MED19: variants seen among roughly 807,000 people sequenced by gnomAD.
MED19 encodes mediator of RNA polymerase II transcription subunit 19.
MED19 carries 4 observed loss-of-function variants against 19.9 expected under a neutral mutation model. That is an observed-to-expected ratio of 0.20 (90% CI 0.10 to 0.46). MED19 has a LOEUF of 0.46. Ranked by LOEUF, MED19 falls within the 20% of genes least tolerant of loss-of-function variation. The pLI is 0.99. For synonymous variants in MED19, 139 were observed against 119.6 expected (o/e 1.16, Z -1.06); for missense variants, 303 against 318.7 (o/e 0.95, Z 0.38).
intron 1 of MED19, among the ~76,000 whole-genome samples, chr11:57,710,690 C>T (rs1276749350): frequency 6.6e-6 from 1 of 151,980 alleles, no homozygotes; most frequent in Non-Finnish European, 1.5e-5. Context: ...TAAAGTAGTT[C>T]TGCCCCTCAA....
intron 1 of MED19, 52 bp downstream of exon 1, chr11:57,711,911 C>A: frequency 7.2e-7 from 1 of 1,392,088 alleles, no homozygotes; most frequent in South Asian, 1.7e-5. Flanking sequence ...CCACGCCCAT[C>A]ACCTCCTCTC....
intron 1 of MED19, among the ~76,000 whole-genome samples, chr11:57,707,716 C>G (rs1946524858): frequency 6.6e-6 from 1 of 152,250 alleles, no homozygotes; most frequent in African/African-American, 2.4e-5. Context: ...GCTCTGCCAA[C>G]TCTCCTCTGT....
chr11:57,704,231 T>C, intron 4 of MED19, 71 bp downstream of exon 4: 2 of 1,528,202 alleles, frequency 1.3e-6, no homozygotes, highest in Non-Finnish European at 1.7e-6. Context: ...GGCAAAGAAC[T>C]CTAGGGTATT....
rs912241150 is a variant in MED19, at chr11:57,709,842, T to C, written c.217+2121A>G. On this transcript the variant is annotated intron_variant, in intron 1 of 4. Transcript: ENST00000431606. Reference sequence around the variant, plus strand: ...TCCCAAAGTGCTGGGATTACTGGCGTGAGCCACAGCGCCTGGCCCTGTATT... The same window carrying C: ...TCCCAAAGTGCTGGGATTACTGGCGCGAGCCACAGCGCCTGGCCCTGTATT... Among the ~76,000 whole-genome samples the C allele has an allele frequency of 1.1e-4, 16 of 152,350 alleles. No homozygotes were observed. The East Asian group carries it at 3.1e-3, about 29-fold the overall frequency.
chr11:57,709,638 G>A (rs1326870864), intron 1 of MED19, among the ~76,000 whole-genome samples: 2 of 152,154 alleles, frequency 1.3e-5, no homozygotes, highest in African/African-American at 4.8e-5. Flanking sequence ...GCTCACTGCA[G>A]CCTCAACTTC....
At chr11:57,705,952 G>T (rs1287759455) in intron 1 of MED19, among the ~76,000 whole-genome samples, 1 of 151,868 alleles carries the variant, frequency 6.6e-6, no homozygotes, top group Non-Finnish European at 1.5e-5. Flanking sequence ...ACCATGCTCA[G>T]GGGGCCAAAT....
At chr11:57,710,273 G>A (rs1334402656) in intron 1 of MED19, among the ~76,000 whole-genome samples, 1 of 152,150 alleles carries the variant, frequency 6.6e-6, no homozygotes, top group African/African-American at 2.4e-5. Context: ...GAGGTGGGAC[G>A]ACAGCATGAG....
At chr11:57,706,054 G>A (rs1264833590) in intron 1 of MED19, among the ~76,000 whole-genome samples, 2 of 152,032 alleles carry the variant, frequency 1.3e-5, no homozygotes, top group South Asian at 2.1e-4. Flanking sequence ...AAAGAACTGG[G>A]AGATTTTTTT....
chr11:57,708,723 A>T (rs1946533275), intron 1 of MED19, among the ~76,000 whole-genome samples: 1 of 152,172 alleles, frequency 6.6e-6, no homozygotes, highest in Non-Finnish European at 1.5e-5. Context: ...CAGCATTACT[A>T]ATCTCTCTCT....
rs752766987 is a variant in MED19 at position 57,704,677 on chromosome 11, T to TA, written c.571+41_571+42insT. 28 of 1,541,494 alleles carry TA rather than the reference T, an allele frequency of 1.8e-5. No individual in the cohort carries two copies. The African/African-American group carries it at 3.5e-4, about 19-fold the overall frequency. On this transcript the variant is annotated intron_variant, in intron 3 of 4. Transcript: ENST00000431606. ...CAGATTCAGAAGGTCAGGTTTTTTTTTTTTTTTTTTTTTTTTTGCTTTGAA... is the reference window on the plus strand; with the variant it reads ...CAGATTCAGAAGGTCAGGTTTTTTTTATTTTTTTTTTTTTTTTTGCTTTGAA...
chr11:57,712,183 A>C (rs1432210657), exon 1 of MED19: 24 of 1,502,404 alleles, frequency 1.6e-5, no homozygotes, highest in Middle Eastern at 2.4e-4. Context: ...TCTCCATCGT[A>C]CCCTCCGCCC....
chr11:57,705,375 G>A, intron 1 of MED19, 146 bp from the exon 2 acceptor site: 1 of 969,480 alleles, frequency 1.0e-6, no homozygotes, highest in Non-Finnish European at 1.5e-6. Context: ...GAGCAGGCCG[G>A]ATGCAGTGGC....
chr11:57,704,047 G>T, exon 5 of MED19: 1 of 1,513,158 alleles, frequency 6.6e-7, no homozygotes, highest in Non-Finnish European at 8.8e-7. Flanking sequence ...ATTAGCGTAG[G>T]CTGCTGCTGC....
chr11:57,708,442 T>C (rs1002764603), intron 1 of MED19, among the ~76,000 whole-genome samples: 1 of 152,166 alleles, frequency 6.6e-6, no homozygotes, highest in Non-Finnish European at 1.5e-5. Flanking sequence ...CCCCTCACAT[T>C]ATTTCATCTT....
chr11:57,704,173 G>A, intron 4 of MED19, 67 bp from the exon 5 acceptor site: 1 of 1,531,246 alleles, frequency 6.5e-7, no homozygotes, highest in Non-Finnish European at 8.7e-7. Flanking sequence ...GGCTGTACAG[G>A]AGAAACCTGC....
chr11:57,709,289 G>GAGAATCAGA (rs1056999170), intron 1 of MED19, among the ~76,000 whole-genome samples: 3 of 152,020 alleles, frequency 2.0e-5, no homozygotes, highest in African/African-American at 4.8e-5. Context: ...GCTGAGGCAG[G>GAGAATCAGA]AGAATCGCTT....
At chr11:57,707,077 A>C (rs1048873136) in intron 1 of MED19, among the ~76,000 whole-genome samples, 1 of 152,018 alleles carries the variant, frequency 6.6e-6, no homozygotes, top group East Asian at 1.9e-4. Context: ...ATGCGCCTGT[A>C]GTCACAGCTA....
chr11:57,703,883 A>G, exon 5 of MED19: 1 of 1,182,120 alleles, frequency 8.5e-7, no homozygotes, highest in Non-Finnish European at 1.1e-6. Context: ...TCTCTCTCCT[A>G]ATTTACTTAG....
At chr11:57,706,004 T>C (rs1483168843) in intron 1 of MED19, among the ~76,000 whole-genome samples, 1 of 152,072 alleles carries the variant, frequency 6.6e-6, no homozygotes, top group Admixed American at 6.6e-5. Flanking sequence ...ACTTTTTTTT[T>C]TTTTTACTAG....
Sources: allele counts gnomAD v4.1 joint callset (sites outside exome capture counted in the v4.1 genomes callset), GRCh38; gene constraint gnomAD v4.1.1; transcripts MANE v1.5; gene names NCBI Gene and HGNC (gene_info 2026-07-23, HGNC 2026-07-21).